The following KCNJ15 variants were observed in gnomAD, a reference collection of about 807,000 sequenced individuals.
The protein encoded by KCNJ15 is potassium inwardly rectifying channel subfamily J member 15.
A neutral mutation model predicts 23.0 loss-of-function variants in KCNJ15; 14 were observed. That is an observed-to-expected ratio of 0.61 (90% CI 0.40 to 0.95). KCNJ15 has a LOEUF of 0.95. KCNJ15 is among the 40% of genes least tolerant of loss of function. The pLI, the probability that KCNJ15 is intolerant of heterozygous loss-of-function variation, is 0.00. For missense variants in KCNJ15, 388 were observed against 461.8 expected (o/e 0.84, Z 1.46); for synonymous variants, 185 against 183.2 (o/e 1.01, Z -0.08).
At chr21:38,257,716 T>C (rs890569849) in intron 1 of KCNJ15, among the ~76,000 whole-genome samples, 3 of 152,256 alleles carry the variant, frequency 2.0e-5, no homozygotes, top group Non-Finnish European at 2.9e-5. Flanking sequence ...CGATCCTGAG[T>C]TTGGAAATAT....
intron 1 of KCNJ15, among the ~76,000 whole-genome samples, chr21:38,294,726 G>A (rs1713344114): frequency 6.6e-6 from 1 of 151,960 alleles, no homozygotes; most frequent in Non-Finnish European, 1.5e-5. Context: ...ATATAGCTAA[G>A]TACCTTTTTC....
At chr21:38,263,881 T>C (rs1162086730) in intron 1 of KCNJ15, among the ~76,000 whole-genome samples, 2 of 151,860 alleles carry the variant, frequency 1.3e-5, no homozygotes, top group Non-Finnish European at 2.9e-5. Flanking sequence ...CTAAAAGAAT[T>C]TAAGTGAATT....
upstream of KCNJ15, among the ~76,000 whole-genome samples, chr21:38,254,919 T>C (rs1252365906): frequency 6.6e-6 from 1 of 152,202 alleles, no homozygotes; most frequent in Non-Finnish European, 1.5e-5. Context: ...ATAATTAAAG[T>C]TCCACGGTAA....
intron 1 of KCNJ15, among the ~76,000 whole-genome samples, chr21:38,275,519 CAAAAAA>C (rs10709944): frequency 1.8e-4 from 16 of 88,118 alleles, no homozygotes; most frequent in Admixed American, 9.0e-4. Context: ...GAAACTCCGT[CAAAAAA>C]AAAAAAAAAA....
intron 1 of KCNJ15, chr21:38,237,375 A>G (rs1413094212): frequency 2.6e-5 from 4 of 152,348 alleles, no homozygotes; most frequent in South Asian, 2.1e-4. Flanking sequence ...TTTCCCACCA[A>G]TTCCAAAGGA....
At chr21:38,235,493 G>T (rs570467150) in intron 1 of KCNJ15, among the ~76,000 whole-genome samples, 1 of 152,282 alleles carries the variant, frequency 6.6e-6, no homozygotes, top group East Asian at 1.9e-4. Context: ...GGTGGAGGTT[G>T]CAGTGAGCCA....
intron 1 of KCNJ15, among the ~76,000 whole-genome samples, chr21:38,258,324 TATC>T (rs2123601374): frequency 6.6e-6 from 1 of 152,368 alleles, no homozygotes; most frequent in South Asian, 2.1e-4. Context: ...CATTTTTAAA[TATC>T]ATCATTTTGT....
chr21:38,267,982 A>G (rs975451034), intron 1 of KCNJ15, among the ~76,000 whole-genome samples: 1 of 152,228 alleles, frequency 6.6e-6, no homozygotes, highest in African/African-American at 2.4e-5. Flanking sequence ...GGAAGATTCC[A>G]GCAACTCAGG....
intron 1 of KCNJ15, among the ~76,000 whole-genome samples, chr21:38,261,132 G>A (rs566198826): frequency 4.6e-5 from 7 of 152,310 alleles, no homozygotes; most frequent in East Asian, 1.9e-4. Context: ...AGGTGCCTGG[G>A]TTTGGGTTTC....
chr21:38,267,047 A>C (rs1981537147), intron 1 of KCNJ15, among the ~76,000 whole-genome samples: 1 of 152,208 alleles, frequency 6.6e-6, no homozygotes, highest in Non-Finnish European at 1.5e-5. Context: ...ACTGAGTGAA[A>C]GGAATGAAGA....
chr21:38,292,350 C>A (rs76382975), intron 1 of KCNJ15, among the ~76,000 whole-genome samples: 614 of 152,230 alleles, frequency 4.0e-3, no homozygotes, highest in African/African-American at 0.013. Context: ...TATCAATGAC[C>A]TAATGACAGT....
chr21:38,253,641 G>GT (rs1237978316), upstream of KCNJ15, among the ~76,000 whole-genome samples: 2 of 151,974 alleles, frequency 1.3e-5, no homozygotes, highest in East Asian at 1.9e-4. Context: ...ACACTTTAAG[G>GT]TTTTTTATGT....
intron 1 of KCNJ15, among the ~76,000 whole-genome samples, chr21:38,278,757 A>T (rs530700467): frequency 6.6e-6 from 1 of 152,180 alleles, no homozygotes; most frequent in African/African-American, 2.4e-5. Flanking sequence ...GGACTAATCC[A>T]TCTGGGCAAC....
intron 1 of KCNJ15, among the ~76,000 whole-genome samples, chr21:38,271,603 G>A (rs953494513): frequency 2.6e-5 from 4 of 152,204 alleles, no homozygotes; most frequent in Non-Finnish European, 5.9e-5. Context: ...CATTGCTAAT[G>A]TGGTCCTATA....
chr21:38,305,558 A>G lies in KCNJ15; in HGVS notation c.*5169A>G, dbSNP rs1986028575. 6.6e-6 allele frequency: 1 copy of G among 152,252 alleles called. No individual in the cohort carries two copies. The highest frequency in any genetic ancestry group is 1.5e-5 in the Non-Finnish European group (1 of 68,048). The allele number at this position is 152,252 out of a possible 1,614,324, so 9.4% of individuals were successfully genotyped here. On this transcript the variant is annotated 3_prime_UTR_variant, in exon 3 of 3. Transcript: ENST00000398938. ...TTGTAATCTGAATATAATGCCAGAG[A>G]GCTAGGGCTGCCAGGCACTCTGTAT...
intron 1 of KCNJ15, among the ~76,000 whole-genome samples, chr21:38,240,264 A>G (rs968776597): frequency 8.5e-5 from 13 of 152,208 alleles, no homozygotes; most frequent in African/African-American, 3.1e-4. Flanking sequence ...TGCAAAGAAT[A>G]AAAACAAGGA....
rs111966390 is a variant in KCNJ15, at chr21:38,288,611, G to A, written c.-116-8315G>A. ...TATAAAACATACTTTCTATGTTTCC[G>A]TGCCTTCATCGTAGTGCAAAATATT... is the stretch of plus-strand genomic sequence containing the variant. On this transcript the variant is annotated intron_variant, in intron 1 of 2. Transcript: ENST00000398938. Among the ~76,000 whole-genome samples the A allele has an allele frequency of 4.5e-3, 690 of 152,258 alleles. 8 individuals are homozygous for A. Among genetic ancestry groups the A allele is most frequent in the African/African-American group, 0.015 (639 of 41,532 alleles).
At chr21:38,279,346 A>T in intron 1 of KCNJ15, among the ~76,000 whole-genome samples, 1 of 152,278 alleles carries the variant, frequency 6.6e-6, no homozygotes. Flanking sequence ...TACAAAGGTA[A>T]CATCTGAAAC....
At chr21:38,246,222 G>T (rs926338996) in intron 1 of KCNJ15, among the ~76,000 whole-genome samples, 1 of 152,170 alleles carries the variant, frequency 6.6e-6, no homozygotes, top group African/African-American at 2.4e-5. Context: ...CTAGGCTAGG[G>T]TCTGGTTTCT....
Sources: gnomAD v4.1 joint callset for allele counts (sites outside exome capture counted in the v4.1 genomes callset) on GRCh38, gnomAD v4.1.1 for gene constraint, MANE v1.5 for transcripts, NCBI Gene and HGNC (gene_info 2026-07-23, HGNC 2026-07-21) for gene names.